Variants in TLK1 observed in about 807,000 individuals in gnomAD.
TLK1 encodes the protein serine/threonine-protein kinase tousled-like 1.
In TLK1, 24 loss-of-function variants were observed where a neutral mutation model predicts 105.3. The ratio of observed to expected loss-of-function variants is 0.23; its 90% CI spans 0.17 to 0.32. The LOEUF is 0.32. Ranked by LOEUF, TLK1 falls within the 10% of genes least tolerant of loss-of-function variation. The pLI, the probability that TLK1 is intolerant of heterozygous loss-of-function variation, is 1.00. For synonymous variants in TLK1, 321 were observed against 310.4 expected (o/e 1.03, Z -0.36); for missense variants, 558 against 910.5 (o/e 0.61, Z 4.98).
At chr2:171,230,575 C>T (rs1320562834) in intron 1 of TLK1, among the ~76,000 whole-genome samples, 1 of 152,146 alleles carries the variant, frequency 6.6e-6, no homozygotes, top group Non-Finnish European at 1.5e-5. Flanking sequence ...ACTCTAAAAC[C>T]CCTAAACACC....
intron 1 of TLK1, among the ~76,000 whole-genome samples, chr2:171,159,986 G>C (rs1692397728): frequency 6.6e-6 from 1 of 152,126 alleles, no homozygotes. Flanking sequence ...CGTCTGGGGG[G>C]AGGCTTCCCA....
rs780241476 is a variant in TLK1, at chr2:170,997,757, T to C, written c.1971A>G (p.Val657=). ...EPPKISNKVD[V]WSVGVIFFQC... ...GAAAGAAGATGACTCCAACCGACCA[T>C]ACATCAACCTTGTTGGAAATCTTTG... is the stretch of plus-strand genomic sequence containing the variant. Residue 657 remains valine, a synonymous_variant, in exon 19 of 21, where the codon GTA becomes GTG. Coordinates refer to ENST00000431350, the MANE Select transcript of TLK1 (RefSeq NM_012290.5). 10 of 1,610,222 alleles carry C rather than the reference T, an allele frequency of 6.2e-6. No individual in the cohort carries two copies. Among genetic ancestry groups the C allele is most frequent in the Non-Finnish European group, 5.1e-6 (6 of 1,177,858 alleles).
At chr2:171,020,414 CCTGTAGT>C (rs1158148399) in intron 12 of TLK1, among the ~76,000 whole-genome samples, 1 of 151,822 alleles carries the variant, frequency 6.6e-6, no homozygotes, top group Admixed American at 6.6e-5. Context: ...GTGGCAGGAG[CCTGTAGT>C]CCCAGCTACT....
intron 18 of TLK1, among the ~76,000 whole-genome samples, chr2:170,998,089 T>C (rs112801735): frequency 1.1e-3 from 111 of 101,738 alleles, no homozygotes; most frequent in African/African-American, 4.9e-3. Flanking sequence ...TATCTATCTA[T>C]CTACCTACCT....
At chr2:171,033,908 C>A (rs1226600784) in intron 11 of TLK1, among the ~76,000 whole-genome samples, 77 of 141,176 alleles carry the variant, frequency 5.5e-4, no homozygotes, top group Non-Finnish European at 9.4e-4. Flanking sequence ...AAAAAAAAAA[C>A]CTCCCACAAC....
At chr2:171,149,772 G>A (rs2105594222) in intron 1 of TLK1, among the ~76,000 whole-genome samples, 1 of 152,200 alleles carries the variant, frequency 6.6e-6, no homozygotes, top group South Asian at 2.1e-4. Flanking sequence ...AGGATATGGT[G>A]GCGTGCACCT....
At chr2:171,070,034 T>A (rs146487266) in intron 3 of TLK1, among the ~76,000 whole-genome samples, 1 of 152,188 alleles carries the variant, frequency 6.6e-6, no homozygotes, top group Non-Finnish European at 1.5e-5. Context: ...ACGAGGTGGG[T>A]AGACAACAGC....
rs770718569 is a variant in TLK1, at chr2:170,990,983, G to C, written c.*2797C>G. 1 of 150,448 alleles carries C rather than the reference G, an allele frequency of 6.6e-6. No homozygotes were observed. Among genetic ancestry groups the C allele is most frequent in the Non-Finnish European group, 1.5e-5 (1 of 67,738 alleles). 9.3% of individuals were successfully genotyped at this position (150,448 alleles called of 1,614,324 possible). A position where few individuals can be genotyped will look rare whatever the true frequency, so the allele number is the denominator to read the frequency against. ...CATTTAAACTGACAGAGTTGTTTTA[G>C]AAGGAGATGGTAGTGAGTGTTTAAA... On this transcript the variant is annotated 3_prime_UTR_variant, in exon 21 of 21. Transcript: ENST00000431350.
chr2:171,158,850 A>G (rs757550094), intron 1 of TLK1, among the ~76,000 whole-genome samples: 2 of 152,204 alleles, frequency 1.3e-5, no homozygotes, highest in Non-Finnish European at 2.9e-5. Flanking sequence ...ATATTCTAAC[A>G]ATGAAAGCTC....
intron 1 of TLK1, among the ~76,000 whole-genome samples, chr2:171,147,258 C>A (rs963463446): frequency 2.0e-5 from 3 of 152,120 alleles, no homozygotes; most frequent in African/African-American, 7.2e-5. Context: ...AATAAGTTTT[C>A]TATAAAACTC....
At chr2:171,026,431 T>G (rs566216666) in intron 12 of TLK1, among the ~76,000 whole-genome samples, 1 of 152,300 alleles carries the variant, frequency 6.6e-6, no homozygotes, top group African/African-American at 2.4e-5. Context: ...AAGTGTACTT[T>G]TTGTAATACA....
intron 2 of TLK1, among the ~76,000 whole-genome samples, chr2:171,103,577 G>A (rs966247436): frequency 2.0e-5 from 3 of 151,878 alleles, no homozygotes; most frequent in Non-Finnish European, 4.4e-5. Flanking sequence ...ATTTTTCTTC[G>A]TGATTATCTG....
At chr2:171,071,200 A>G (rs947124255) in intron 3 of TLK1, among the ~76,000 whole-genome samples, 3 of 151,854 alleles carry the variant, frequency 2.0e-5, no homozygotes, top group Non-Finnish European at 4.4e-5. Flanking sequence ...TAGTTTGCAA[A>G]TATTTTCTCC....
intron 1 of TLK1, among the ~76,000 whole-genome samples, chr2:171,140,161 A>T (rs1016928310): frequency 2.0e-5 from 3 of 152,210 alleles, no homozygotes. Context: ...AGAGAAGAAG[A>T]GCGTGGTTAA....
At chr2:171,108,082 AC>A (rs761563778) in intron 2 of TLK1, among the ~76,000 whole-genome samples, 54,679 of 147,092 alleles carry the variant, frequency 0.37, 11,409 homozygotes, top group African/African-American at 0.52. Flanking sequence ...AACAACAACA[AC>A]AACAAAAAAA....
chr2:171,074,984 A>G (rs1303342052), intron 3 of TLK1, among the ~76,000 whole-genome samples: 2 of 152,130 alleles, frequency 1.3e-5, no homozygotes, highest in African/African-American at 4.8e-5. Context: ...CGATTTTTAA[A>G]GTCTCTCTTC....
chr2:171,106,035 T>C (rs1689909211), intron 2 of TLK1, among the ~76,000 whole-genome samples: 1 of 152,180 alleles, frequency 6.6e-6, no homozygotes. Context: ...ATTAAAAAAA[T>C]TTCTCTCATT....
intron 11 of TLK1, among the ~76,000 whole-genome samples, chr2:171,037,581 T>A (rs1310688783): frequency 2.0e-5 from 3 of 152,134 alleles, no homozygotes. Context: ...CAGATCAATG[T>A]TGAATTTTAT....
chr2:171,206,943 T>C (rs116758021), intron 1 of TLK1, among the ~76,000 whole-genome samples: 4,390 of 152,292 alleles, frequency 0.029, 227 homozygotes, highest in African/African-American at 0.099. Context: ...TGTTCATTCA[T>C]TGCTGGTGGG....
Sources: allele counts gnomAD v4.1 joint callset (sites outside exome capture counted in the v4.1 genomes callset), GRCh38; gene constraint gnomAD v4.1.1; transcripts MANE v1.5; gene names NCBI Gene and HGNC (gene_info 2026-07-23, HGNC 2026-07-21).